Variants in TBX20 observed in about 807,000 individuals in gnomAD.
TBX20 encodes the protein T-box transcription factor TBX20.
TBX20 carries 8 observed loss-of-function variants against 42.9 expected under a neutral mutation model. The ratio of observed to expected loss-of-function variants is 0.19; its 90% CI spans 0.11 to 0.34. TBX20 has a LOEUF of 0.34. Ranked by LOEUF, TBX20 falls within the 10% of genes least tolerant of loss-of-function variation. The pLI is 1.00. For synonymous variants in TBX20, 198 were observed against 222.8 expected (o/e 0.89, Z 0.99); for missense variants, 411 against 566.0 (o/e 0.73, Z 2.78).
intron 6 of TBX20, among the ~76,000 whole-genome samples, chr7:35,205,594 T>A (rs1213134658): frequency 6.6e-6 from 1 of 152,230 alleles, no homozygotes; most frequent in African/African-American, 2.4e-5. Context: ...AATAACTTTT[T>A]AAAATGTTAA....
chr7:35,208,297 T>C (rs750982964), intron 6 of TBX20, among the ~76,000 whole-genome samples: 125 of 152,354 alleles, frequency 8.2e-4, no homozygotes, highest in Middle Eastern at 3.4e-3. Flanking sequence ...TTATTTGTTC[T>C]AGTGGGTTTT....
chr7:35,236,094 C>T (rs1360110333), intron 5 of TBX20, among the ~76,000 whole-genome samples: 1 of 151,982 alleles, frequency 6.6e-6, no homozygotes, highest in Admixed American at 6.6e-5. Flanking sequence ...ATCATTCCCT[C>T]ACAAAAACCA....
rs1790268285 is a variant in TBX20, at chr7:35,249,815, G to A, written c.380+136C>T. On this transcript the variant is annotated intron_variant, in intron 2 of 7. Transcript: ENST00000408931. The surrounding 1 kb of genome is among the most constrained non-coding windows in gnomAD (Gnocchi z 4.3). Reference sequence around the variant, plus strand: ...AGCTCCTAATGCAAGCTGGTGGAAAGCAGCTGCCCTGGAGCCAAGCTGTCT... The same window carrying A: ...AGCTCCTAATGCAAGCTGGTGGAAAACAGCTGCCCTGGAGCCAAGCTGTCT... 1.0e-6 allele frequency: 1 copy of A among 977,874 alleles called. No individual in the cohort carries two copies. Among genetic ancestry groups the A allele is most frequent in the East Asian group, 2.6e-5 (1 of 38,700 alleles). 60.6% of individuals were successfully genotyped at this position (977,874 alleles called of 1,614,324 possible).
Position 35,253,629 on chromosome 7 carries a change from G to A in TBX20, c.-9C>T, listed in dbSNP as rs763676234. 1.2e-6 allele frequency: 2 copies of A among 1,611,132 alleles called. No homozygotes were observed. The highest frequency in any genetic ancestry group is 1.7e-6 in the Non-Finnish European group (2 of 1,179,730). On this transcript the variant is annotated 5_prime_UTR_variant, in exon 1 of 8. Transcript: ENST00000408931. ...GACGCCGTGAACTCCATGGTCCCCA[G>A]CACGCGGTCCTGGCCAGGGACGGGG...
At chr7:35,228,963 A>G (rs547165613) in intron 6 of TBX20, among the ~76,000 whole-genome samples, 2 of 152,314 alleles carry the variant, frequency 1.3e-5, no homozygotes, top group African/African-American at 4.8e-5. Context: ...AATGGGAGCT[A>G]GTAAAATTAG....
chr7:35,237,674 C>T (rs564457677), intron 5 of TBX20, among the ~76,000 whole-genome samples: 39 of 151,914 alleles, frequency 2.6e-4, no homozygotes, highest in African/African-American at 8.7e-4. Context: ...CTATTTGTTT[C>T]GTTTTTTGTA....
intron 6 of TBX20, among the ~76,000 whole-genome samples, chr7:35,212,100 C>T (rs1486692122): frequency 3.3e-5 from 5 of 152,150 alleles, no homozygotes; most frequent in Non-Finnish European, 7.4e-5. Flanking sequence ...GACACTCTTT[C>T]AATTTTTAAA....
intron 6 of TBX20, among the ~76,000 whole-genome samples, chr7:35,223,671 G>A (rs1452851643): frequency 1.3e-5 from 2 of 152,196 alleles, no homozygotes; most frequent in Non-Finnish European, 2.9e-5. Flanking sequence ...ACTGACCACT[G>A]GGTTTAGCAA....
chr7:35,206,698 G>A (rs982677572), intron 6 of TBX20, among the ~76,000 whole-genome samples: 3 of 152,130 alleles, frequency 2.0e-5, no homozygotes, highest in African/African-American at 4.8e-5. Context: ...GGTCCCCATC[G>A]CAACAAACCT....
chr7:35,239,672 T>C (rs1790036412), intron 5 of TBX20, among the ~76,000 whole-genome samples: 1 of 152,232 alleles, frequency 6.6e-6, no homozygotes, highest in African/African-American at 2.4e-5. Context: ...ACATGGCCCT[T>C]AGTATGGCCT....
At chr7:35,248,100 C>T (rs1297401913) in intron 3 of TBX20, among the ~76,000 whole-genome samples, 2 of 152,134 alleles carry the variant, frequency 1.3e-5, no homozygotes, top group African/African-American at 4.8e-5. Flanking sequence ...TATTGAATTA[C>T]ATTCATCCAC....
intron 5 of TBX20, among the ~76,000 whole-genome samples, chr7:35,232,821 G>A (rs1789893034): frequency 6.6e-6 from 1 of 152,074 alleles, no homozygotes; most frequent in Admixed American, 6.5e-5. Context: ...TCAGGAGTTC[G>A]AAACCAGCCT....
intron 6 of TBX20, among the ~76,000 whole-genome samples, chr7:35,217,449 A>G (rs1789609629): frequency 6.6e-6 from 1 of 152,158 alleles, no homozygotes; most frequent in Non-Finnish European, 1.5e-5. Flanking sequence ...ATAATTTACA[A>G]CCGTAAGTTA....
chr7:35,232,138 A>G (rs1173061374), intron 5 of TBX20, among the ~76,000 whole-genome samples: 1 of 152,158 alleles, frequency 6.6e-6, no homozygotes, highest in Non-Finnish European at 1.5e-5. Flanking sequence ...CTGAATACAA[A>G]TTTTCTCCTA....
chr7:35,242,783 C>T (rs1211591490), intron 4 of TBX20, among the ~76,000 whole-genome samples: 1 of 152,094 alleles, frequency 6.6e-6, no homozygotes, highest in African/African-American at 2.4e-5. Context: ...CTAATAGAAA[C>T]GTGGACTCTG....
At chr7:35,206,079 C>G (rs879324282) in intron 6 of TBX20, among the ~76,000 whole-genome samples, 7 of 152,176 alleles carry the variant, frequency 4.6e-5, no homozygotes, top group Non-Finnish European at 1.0e-4. Flanking sequence ...GTTCCAGTTT[C>G]CAGAACAAGA....
chr7:35,212,248 T>G (rs1789509567), intron 6 of TBX20, among the ~76,000 whole-genome samples: 3 of 152,228 alleles, frequency 2.0e-5, no homozygotes, highest in Admixed American at 6.5e-5. Context: ...ATTGCAGTTT[T>G]CATCTTTAGA....
At chr7:35,231,949 T>C (rs1789874585) in intron 5 of TBX20, among the ~76,000 whole-genome samples, 1 of 152,232 alleles carries the variant, frequency 6.6e-6, no homozygotes, top group Non-Finnish European at 1.5e-5. Context: ...GGGAGAATTA[T>C]GCAGAATTCC....
At chr7:35,252,447 A>G (rs528659054) in intron 1 of TBX20, among the ~76,000 whole-genome samples, 1 of 151,536 alleles carries the variant, frequency 6.6e-6, no homozygotes, top group South Asian at 2.1e-4. Context: ...GGTTTCAAGT[A>G]GCTACAGGAA....
Sources: allele counts gnomAD v4.1 joint callset (sites outside exome capture counted in the v4.1 genomes callset), GRCh38; gene constraint gnomAD v4.1.1; non-coding constraint Gnocchi (gnomAD v3.1); transcripts MANE v1.5; gene names NCBI Gene and HGNC (gene_info 2026-07-23, HGNC 2026-07-21).